Variants in LRRC7 observed in about 807,000 individuals in gnomAD.
LRRC7 encodes the protein leucine rich repeat containing 7.
A neutral mutation model predicts 175.7 loss-of-function variants in LRRC7; 23 were observed. The observed-to-expected ratio is 0.13, with a 90% CI of 0.09 to 0.19. The LOEUF (loss-of-function observed/expected upper bound fraction) is 0.19. Ranked by LOEUF, LRRC7 falls within the 10% of genes least tolerant of loss-of-function variation. LRRC7 has a pLI of 1.00. For missense variants in LRRC7, 1,354 were observed against 1,904.7 expected (o/e 0.71, Z 5.38); for synonymous variants, 685 against 680.9 (o/e 1.01, Z -0.09).
chr1:69,804,413 C>T (rs527990745), intron 4 of LRRC7, among the ~76,000 whole-genome samples: 14 of 151,350 alleles, frequency 9.3e-5, no homozygotes, highest in African/African-American at 2.9e-4. Context: ...AAATATTTAC[C>T]TTCTTGGAAC....
At chr1:70,101,501 T>G (rs561833754) in intron 25 of LRRC7, among the ~76,000 whole-genome samples, 2 of 152,184 alleles carry the variant, frequency 1.3e-5, no homozygotes, top group Non-Finnish European at 2.9e-5. Flanking sequence ...AAAAGCCATA[T>G]AAACTTCCTT....
chr1:69,642,662 CA>C (rs1654386298), intron 1 of LRRC7, among the ~76,000 whole-genome samples: 1 of 151,870 alleles, frequency 6.6e-6, no homozygotes, highest in Non-Finnish European at 1.5e-5. Context: ...AAAATCATGC[CA>C]GTTAAAAAGA....
intron 4 of LRRC7, among the ~76,000 whole-genome samples, chr1:69,814,875 G>A (rs571345956): frequency 6.6e-6 from 1 of 152,206 alleles, no homozygotes; most frequent in African/African-American, 2.4e-5. Context: ...TGAAACAAAA[G>A]CATACTCTTA....
At chr1:69,695,041 A>G (rs1213521911) in intron 2 of LRRC7, among the ~76,000 whole-genome samples, 1 of 152,176 alleles carries the variant, frequency 6.6e-6, no homozygotes, top group African/African-American at 2.4e-5. Context: ...AAGAGTTTGG[A>G]GACCTTGAAA....
intron 9 of LRRC7, among the ~76,000 whole-genome samples, chr1:69,983,109 C>T (rs984424816): frequency 2.6e-5 from 4 of 152,110 alleles, no homozygotes; most frequent in African/African-American, 9.7e-5. Flanking sequence ...GAAGAGTGAA[C>T]TTAGGTAACA....
chr1:69,708,877 GA>G lies in LRRC7; in HGVS notation c.100+30401del, dbSNP rs370838860. 1.1e-3 allele frequency among the ~76,000 whole-genome samples: 168 copies of G among 152,282 alleles called. 1 individual carries two copies. The highest frequency in any genetic ancestry group is 2.0e-3 in the Non-Finnish European group (134 of 68,024). On this transcript the variant is annotated intron_variant, in intron 2 of 26. Coordinates refer to ENST00000651989, the MANE Select transcript of LRRC7 (RefSeq NM_001370785.2). ...CAAGACCTTTTAAGGGATAAATTGA[GA>G]ACCGGTCCACCATTACTTCCACCTA...
chr1:70,112,289 C>T (rs1386131440), intron 26 of LRRC7, among the ~76,000 whole-genome samples: 1 of 152,104 alleles, frequency 6.6e-6, no homozygotes, highest in Non-Finnish European at 1.5e-5. Flanking sequence ...AGAGCATCTT[C>T]TCTTGGCCAA....
chr1:69,956,027 G>T (rs2101833219), intron 8 of LRRC7, among the ~76,000 whole-genome samples: 1 of 152,006 alleles, frequency 6.6e-6, no homozygotes. Context: ...AGTTCACATG[G>T]TAGAATTTAT....
intron 2 of LRRC7, among the ~76,000 whole-genome samples, chr1:69,744,583 G>A (rs1380460766): frequency 1.3e-5 from 2 of 151,772 alleles, no homozygotes; most frequent in Non-Finnish European, 2.9e-5. Flanking sequence ...TGCCGGAGGT[G>A]GATTGAGTTC....
At chr1:69,924,751 A>C (rs1440867523) in intron 7 of LRRC7, among the ~76,000 whole-genome samples, 1 of 152,182 alleles carries the variant, frequency 6.6e-6, no homozygotes. Context: ...GCAAACAGGG[A>C]CAATTTGACT....
chr1:69,977,216 C>T (rs1266624265), intron 8 of LRRC7, among the ~76,000 whole-genome samples: 3 of 152,170 alleles, frequency 2.0e-5, no homozygotes, highest in African/African-American at 7.2e-5. Context: ...TTACCTCTTT[C>T]ATTACCAGCC....
At chr1:70,025,287 A>G (rs1657971854) in intron 17 of LRRC7, among the ~76,000 whole-genome samples, 1 of 150,622 alleles carries the variant, frequency 6.6e-6, no homozygotes, top group African/African-American at 2.4e-5. Context: ...TTATATTTAA[A>G]CCTATAGAAT....
Position 69,657,832 on chromosome 1 carries a change from C to T in LRRC7, c.3-20549C>T, listed in dbSNP as rs564263319. Among the ~76,000 whole-genome samples, 28 of 151,966 alleles carry T rather than the reference C, an allele frequency of 1.8e-4. No individual in the cohort carries two copies. The South Asian group carries it at 5.2e-3, about 28-fold the overall frequency. On this transcript the variant is annotated intron_variant, in intron 1 of 26. Transcript: ENST00000651989. ...GCCGTTCCTTATTTCAGGTTCTTCA[C>T]CACAGTCACAGACTTATTTATCCTC...
chr1:69,660,280 C>G (rs750532707), intron 1 of LRRC7, among the ~76,000 whole-genome samples: 8 of 151,952 alleles, frequency 5.3e-5, no homozygotes, highest in Non-Finnish European at 5.9e-5. Context: ...AATATAGTCT[C>G]AAATTACATA....
At position 69,794,807 on chromosome 1, in the gene LRRC7, C is replaced by G. The variant is rs547991751; in HGVS notation, c.421+2647C>G. On this transcript the variant is annotated intron_variant, in intron 4 of 26. Transcript: ENST00000651989. ...GCTCTCTTACATCAAGAAATGTTTG[C>G]TCTTAGAAGGTGAACCACAGGTTAT... 1.4e-4 allele frequency among the ~76,000 whole-genome samples: 21 copies of G among 152,228 alleles called. No individual in the cohort carries two copies. The South Asian group carries it at 4.3e-3, about 32-fold the overall frequency.
intron 4 of LRRC7, among the ~76,000 whole-genome samples, chr1:69,798,185 G>A (rs973458147): frequency 1.3e-5 from 2 of 152,110 alleles, no homozygotes; most frequent in African/African-American, 4.8e-5. Context: ...CTCCCAAAGT[G>A]CTGGGATTAC....
intron 7 of LRRC7, among the ~76,000 whole-genome samples, chr1:69,928,601 C>T (rs917060004): frequency 6.6e-6 from 1 of 152,226 alleles, no homozygotes; most frequent in African/African-American, 2.4e-5. Flanking sequence ...GGGCGTAGGA[C>T]CCTCCGAGCC....
chr1:69,627,401 G>A lies in LRRC7; in HGVS notation c.3-50980G>A, dbSNP rs146355528. On this transcript the variant is annotated intron_variant, in intron 1 of 26. Transcript: ENST00000651989. ...TGAGAAGTGTCTGTTCATATCCTTC[G>A]CCCACTTTTTGATGGGGTTGTTTGA... Among the ~76,000 whole-genome samples the A allele has an allele frequency of 7.6e-3, 1,156 of 152,162 alleles. 11 individuals carry two copies. The highest frequency in any genetic ancestry group is 0.026 in the African/African-American group (1,066 of 41,512).
intron 8 of LRRC7, among the ~76,000 whole-genome samples, chr1:69,979,683 C>T (rs1653215565): frequency 6.6e-6 from 1 of 152,006 alleles, no homozygotes; most frequent in African/African-American, 2.4e-5. Context: ...TAGGCATCCC[C>T]AACTATTCAA....
Sources: gnomAD v4.1 joint callset for allele counts (sites outside exome capture counted in the v4.1 genomes callset) on GRCh38, gnomAD v4.1.1 for gene constraint, MANE v1.5 for transcripts, NCBI Gene and HGNC (gene_info 2026-07-23, HGNC 2026-07-21) for gene names.